HEATR3: variants seen among roughly 807,000 people sequenced by gnomAD.
HEATR3 encodes the protein HEAT repeat containing 3.
A neutral mutation model predicts 72.8 loss-of-function variants in HEATR3; 56 were observed. That is an observed-to-expected ratio of 0.77 (90% CI 0.62 to 0.96). The LOEUF is 0.96. Ranked by LOEUF, HEATR3 falls within the 40% of genes least tolerant of loss-of-function variation. HEATR3 has a pLI of 0.00. For synonymous variants in HEATR3, 331 were observed against 318.1 expected (o/e 1.04, Z -0.43); for missense variants, 747 against 831.4 (o/e 0.90, Z 1.25).
intron 6 of HEATR3, among the ~76,000 whole-genome samples, chr16:50,076,503 A>G (rs1186502904): frequency 6.6e-6 from 1 of 151,500 alleles, no homozygotes; most frequent in Non-Finnish European, 1.5e-5. Context: ...TTTTATTTTA[A>G]TAGTGGAAAA....
In HEATR3 at chr16:50,068,809, T is replaced by G. The variant is rs780972577; in HGVS notation, c.341T>G (p.Val114Gly). The change falls in exon 3 of 15, where the codon GTT becomes GGT. Residue 114 changes from valine to glycine, a missense_variant. Physicochemically the swap from Val to Gly is moderately radical, Grantham distance 109. This residue lies in a region of HEATR3 where 586 missense variants were observed against 708.8 expected (regional missense o/e 0.83). Coordinates refer to ENST00000299192, the MANE Select transcript of HEATR3 (RefSeq NM_182922.4). ...CTCAGTGCTTGTGGAGGTTTTGAAG[T>G]TTGTGATGACATGGTGACTAAGGAT... ...RNLSACGGFE[V>G]CDDMVTKDIM... 1 of 1,614,006 alleles carries G rather than the reference T, an allele frequency of 6.2e-7. No homozygotes were observed. The highest frequency in any genetic ancestry group is 8.5e-7 in the Non-Finnish European group (1 of 1,179,940).
rs1478307336 is a variant in HEATR3, at chr16:50,066,073, C to A, written c.-59C>A. On this transcript the variant is annotated 5_prime_UTR_variant, in exon 1 of 15. Transcript: ENST00000299192. ...CGGACCTTGTTAACGGCGCGGCAGC[C>A]TCCACCGCCTGCTGTTGCCCTCCTC... is the stretch of plus-strand genomic sequence containing the variant. The A allele has an allele frequency of 7.8e-6, 12 of 1,530,056 alleles. No homozygotes were observed. The East Asian group carries it at 2.2e-4, about 29-fold the overall frequency. 94.8% of individuals were successfully genotyped at this position (1,530,056 alleles called of 1,614,324 possible).
In HEATR3 at chr16:50,066,149, G is replaced by A; in HGVS notation, c.18G>A (p.Thr6=). ...ACGTCACCATGGGCAAGAGCCGGAC[G>A]AAGCGCTTCAAGCGACCTCAGTTCT... MGKSR[T]KRFKRPQFSP... The change falls in exon 1 of 15, where the codon ACG becomes ACA. Residue 6 remains threonine (T), a synonymous_variant. Transcript: ENST00000299192. 1.3e-6 allele frequency: 2 copies of A among 1,597,440 alleles called. No individual in the cohort carries two copies. The highest frequency in any genetic ancestry group is 1.7e-6 in the Non-Finnish European group (2 of 1,173,518).
intron 13 of HEATR3, among the ~76,000 whole-genome samples, chr16:50,101,954 G>T (rs2037375888): frequency 1.3e-5 from 2 of 152,104 alleles, no homozygotes; most frequent in South Asian, 4.1e-4. Context: ...ATATTTCTAT[G>T]CATCTTGACA....
Position 50,066,088 on chromosome 16 carries a change from T to C in HEATR3, c.-44T>C, listed in dbSNP as rs1372836017. On this transcript the variant is annotated 5_prime_UTR_variant, in exon 1 of 15. Coordinates refer to ENST00000299192, the MANE Select transcript of HEATR3 (RefSeq NM_182922.4). ...GCGCGGCAGCCTCCACCGCCTGCTG[T>C]TGCCCTCCTCTCTCGGTGGTCTGTC... 3 of 1,552,172 alleles carry C rather than the reference T, an allele frequency of 1.9e-6. No homozygotes were observed. Among genetic ancestry groups the C allele is most frequent in the South Asian group, 2.4e-5 (2 of 84,804 alleles).
chr16:50,096,912 A>G (rs1471437133), intron 12 of HEATR3, among the ~76,000 whole-genome samples: 2 of 152,098 alleles, frequency 1.3e-5, no homozygotes, highest in African/African-American at 2.4e-5. Context: ...ACACTTACCC[A>G]TTGAAGAAAC....
At chr16:50,079,515 C>T (rs2036818548) in intron 7 of HEATR3, among the ~76,000 whole-genome samples, 1 of 152,072 alleles carries the variant, frequency 6.6e-6, no homozygotes, top group Non-Finnish European at 1.5e-5. Flanking sequence ...TTGTAGTTTT[C>T]TTGGAGTCGG....
chr16:50,078,681 C>G (rs1005572109), intron 6 of HEATR3, 60 bp from the exon 7 acceptor site: 344 of 1,523,062 alleles, frequency 2.3e-4, no homozygotes, highest in Non-Finnish European at 2.9e-4. Flanking sequence ...CTTGTGAAAA[C>G]TTAAACTTAG....
At chr16:50,082,329 C>T (rs926162448) in intron 7 of HEATR3, among the ~76,000 whole-genome samples, 1 of 151,740 alleles carries the variant, frequency 6.6e-6, no homozygotes, top group Non-Finnish European at 1.5e-5. Context: ...AGTGACAGAG[C>T]AAGACTCTGT....
intron 11 of HEATR3, among the ~76,000 whole-genome samples, chr16:50,093,863 C>G (rs1032826090): frequency 6.6e-6 from 1 of 152,202 alleles, no homozygotes; most frequent in African/African-American, 2.4e-5. Context: ...GTCATACTGC[C>G]TTTTGTGACC....
Position 50,072,570 on chromosome 16 carries a change from G to T in HEATR3, c.513-35G>T. On this transcript the variant is annotated intron_variant, in intron 4 of 14. Coordinates refer to ENST00000299192, the MANE Select transcript of HEATR3 (RefSeq NM_182922.4). ...GGTTGATTTCCTACTGTTAAAATGT[G>T]AATAGTAAAACTTTTTTTTCCCCCT... is the stretch of plus-strand genomic sequence containing the variant. 2.3e-6 allele frequency: 3 copies of T among 1,333,024 alleles called. No homozygotes were observed. The South Asian group carries it at 3.6e-5, about 16-fold the overall frequency. The allele number at this position is 1,333,024 out of a possible 1,614,324, so 82.6% of individuals were successfully genotyped here. A position where few individuals can be genotyped will look rare whatever the true frequency, so the allele number is the denominator to read the frequency against.
intron 7 of HEATR3, among the ~76,000 whole-genome samples, chr16:50,081,766 G>C (rs572488276): frequency 2.0e-5 from 3 of 152,178 alleles, no homozygotes; most frequent in Non-Finnish European, 4.4e-5. Flanking sequence ...AGGAAGAGCA[G>C]TTCAACCCAA....
intron 4 of HEATR3, among the ~76,000 whole-genome samples, chr16:50,071,301 T>G (rs1257149684): frequency 6.6e-6 from 1 of 152,252 alleles, no homozygotes. Flanking sequence ...AAGATTAAGT[T>G]GGATCCTGAA....
chr16:50,080,594 C>A (rs2160570), intron 7 of HEATR3, among the ~76,000 whole-genome samples: 103,357 of 151,872 alleles, frequency 0.68, 35,470 homozygotes, highest in South Asian at 0.72. Context: ...CCGCCTTGGC[C>A]TCCCAAAGTG....
intron 7 of HEATR3, among the ~76,000 whole-genome samples, chr16:50,079,665 A>C (rs571502490): frequency 1.3e-5 from 2 of 152,276 alleles, no homozygotes; most frequent in South Asian, 4.1e-4. Context: ...TTTGTTAAGG[A>C]GGAGAGCAAA....
At chr16:50,066,672 T>A in intron 2 of HEATR3, 133 bp downstream of exon 2, 1 of 836,166 alleles carries the variant, frequency 1.2e-6, no homozygotes, top group African/African-American at 1.8e-5. Context: ...TTGCAGAGAT[T>A]TGAAGCCAGT....
chr16:50,084,018 T>A lies in HEATR3; in HGVS notation c.1123T>A (p.Cys375Ser). The change falls in exon 8 of 15, where the codon TGC becomes AGC. Residue 375 changes from cysteine (C) to serine (S), a missense_variant. Cys to Ser is a moderately radical substitution (Grantham distance 112, BLOSUM62 -1). Coordinates refer to ENST00000299192, the MANE Select transcript of HEATR3 (RefSeq NM_182922.4). ...TALEIIVNMCCNEDPSDDEWE... is the reference protein window; with the variant it reads ...TALEIIVNMCSNEDPSDDEWE... The stretch of plus-strand genomic sequence containing the variant: ...TCTGGAAATTATTGTCAACATGTGC[T>A]GCAATGAAGGTTTGTTAACATTTAC... 1 of 1,614,010 alleles carries A rather than the reference T, an allele frequency of 6.2e-7. No homozygotes were observed.
rs770614388 is a variant in HEATR3 at position 50,075,642 on chromosome 16, A to G, written c.694A>G (p.Met232Val). Reference protein sequence around the residue: ...LKSFSATALNMLESALLSPVS... With the variant: ...LKSFSATALNVLESALLSPVS... ...GTCTTTCAGTGCTACAGCATTGAAC[A>G]TGCTGGAATCAGCACTGCTTTCTCC... The change falls in exon 6 of 15, where the codon ATG becomes GTG. Residue 232 changes from methionine (M) to valine (V), a missense_variant. Physicochemically the swap from Met to Val is conservative, Grantham distance 21 (BLOSUM62 1). Coordinates refer to ENST00000299192, the MANE Select transcript of HEATR3 (RefSeq NM_182922.4). The G allele has an allele frequency of 1.9e-6, 3 of 1,613,424 alleles. No individual in the cohort carries two copies. The highest frequency in any genetic ancestry group is 1.1e-5 in the South Asian group (1 of 91,084).
At chr16:50,097,314 CT>C (rs10609618) in intron 12 of HEATR3, among the ~76,000 whole-genome samples, 11,826 of 135,458 alleles carry the variant, frequency 0.087, 568 homozygotes, top group East Asian at 0.25. Flanking sequence ...TTTGTCTTTT[CT>C]TTTTTTTTTT....
Sources: gnomAD v4.1 joint callset for allele counts (sites outside exome capture counted in the v4.1 genomes callset) on GRCh38, gnomAD v4.1.1 for gene constraint, gnomAD v4.1.1 regional missense constraint, MANE v1.5 for transcripts, NCBI Gene and HGNC (gene_info 2026-07-23, HGNC 2026-07-21) for gene names.